PACRGL: variants seen among roughly 807,000 people sequenced by gnomAD.
PACRGL encodes the protein PACRG-like protein.
In PACRGL, 38 loss-of-function variants were observed where a neutral mutation model predicts 34.5. The ratio of observed to expected loss-of-function variants is 1.10; its 90% CI spans 0.85 to 1.44. The LOEUF (loss-of-function observed/expected upper bound fraction) is 1.44, where lower values mean the gene tolerates loss of function less well. Among genes scored for constraint, PACRGL ranks in the 40% most tolerant of loss-of-function variants. The pLI is 0.00. For missense variants in PACRGL, 305 were observed against 281.4 expected, an observed-to-expected ratio of 1.08 and a Z score of -0.60; for synonymous variants, 128 against 100.1, an observed-to-expected ratio of 1.28 and a Z score of -1.66.
rs1747713833 is a variant in PACRGL, at chr4:20,730,303, T to A, written c.*2962T>A. Reference sequence around the variant, plus strand: ...CATTCTATTCTATCCATTTTCCACATAGATGACTATGAAGGACCCATTTTA... The same window carrying A: ...CATTCTATTCTATCCATTTTCCACAAAGATGACTATGAAGGACCCATTTTA... On this transcript the variant is annotated 3_prime_UTR_variant, in exon 9 of 9. Coordinates refer to ENST00000503585, the MANE Select transcript of PACRGL (RefSeq NM_001258345.3). Among the ~76,000 whole-genome samples, 1 of 152,222 alleles carries A rather than the reference T, an allele frequency of 6.6e-6. No individual in the cohort carries two copies. Among genetic ancestry groups the A allele is most frequent in the African/African-American group, 2.4e-5 (1 of 41,460 alleles).
At chr4:20,756,650 C>T (rs1178680173), downstream of PACRGL, among the ~76,000 whole-genome samples, 1 of 151,886 alleles carries the variant, frequency 6.6e-6, no homozygotes, top group Non-Finnish European at 1.5e-5. Context: ...CTTGTGCGCT[C>T]CACTCCCTAG....
intron 8 of PACRGL, among the ~76,000 whole-genome samples, chr4:20,744,990 G>T (rs1752105180): frequency 6.6e-6 from 1 of 152,108 alleles, no homozygotes; most frequent in African/African-American, 2.4e-5. Flanking sequence ...ATTTGTGGTT[G>T]CCATTTGACT....
At chr4:20,763,589 T>C in the PACRGL span, among the ~76,000 whole-genome samples, 4 of 152,224 alleles carry the variant, frequency 2.6e-5, no homozygotes, top group Admixed American at 6.5e-5. Context: ...AAATAAGAAG[T>C]CTGGTATGGC....
downstream of PACRGL, chr4:20,732,915 G>A (rs887351604): frequency 1.7e-5 from 10 of 597,196 alleles, no homozygotes; most frequent in East Asian, 5.7e-5. Flanking sequence ...TTTGTTAGAC[G>A]ACTGTTGGTT....
chr4:20,708,965 TAAA>T (rs35039845), intron 4 of PACRGL, among the ~76,000 whole-genome samples: 1 of 140,742 alleles, frequency 7.1e-6, no homozygotes, highest in Non-Finnish European at 1.5e-5. Context: ...CATCTCTACT[TAAA>T]AAAAAAAAAA....
At chr4:20,724,712 C>A in intron 7 of PACRGL, 96 bp from the exon 8 acceptor site, 1 of 564,994 alleles carries the variant, frequency 1.8e-6, no homozygotes, top group Middle Eastern at 2.8e-4. Context: ...GCCTTGAAAT[C>A]TAAAACAAGG....
At chr4:20,734,674 G>A, downstream of PACRGL, 1 of 1,600,948 alleles carries the variant, frequency 6.2e-7, no homozygotes, top group Non-Finnish European at 8.5e-7. Context: ...CAGATTAAAT[G>A]CCCAATTGAG....
downstream of PACRGL, among the ~76,000 whole-genome samples, chr4:20,735,410 A>C (rs1183519304): frequency 6.6e-6 from 1 of 152,162 alleles, no homozygotes; most frequent in Non-Finnish European, 1.5e-5. Flanking sequence ...GTCCTTGGCA[A>C]TGACATTGGC....
downstream of PACRGL, chr4:20,734,523 A>G (rs1749115725): frequency 9.0e-6 from 5 of 557,344 alleles, no homozygotes; most frequent in Non-Finnish European, 1.5e-5. Context: ...AATATTTTGG[A>G]ATTTCCTCAA....
At chr4:20,712,118 T>G (rs1347450036) in intron 5 of PACRGL, among the ~76,000 whole-genome samples, 1 of 152,118 alleles carries the variant, frequency 6.6e-6, no homozygotes, top group East Asian at 1.9e-4. Flanking sequence ...CCCTTCTTTT[T>G]GTCTATAGTT....
Position 20,713,504 on chromosome 4 carries a change from T to G in PACRGL, c.574T>G (p.Ser192Ala). Reference protein sequence around the residue: ...LVQLSVVVGPSLNDHLKHLLT... With the variant: ...LVQLSVVVGPALNDHLKHLLT... Reference sequence around the variant, plus strand: ...TCAGCTAAGTGTCGTTGTTGGTCCTTCTCTAAACGACCATCTGAAGCATCT... The same window carrying G: ...TCAGCTAAGTGTCGTTGTTGGTCCTGCTCTAAACGACCATCTGAAGCATCT... Residue 192 changes from serine to alanine, a missense_variant, in exon 7 of 9, where the codon TCT becomes GCT. Physicochemically the swap from Ser to Ala is moderately conservative, Grantham distance 99. Transcript: ENST00000503585. 6.2e-7 allele frequency: 1 copy of G among 1,613,544 alleles called. No individual in the cohort carries two copies. Among genetic ancestry groups the G allele is most frequent in the Non-Finnish European group, 8.5e-7 (1 of 1,179,624 alleles).
intron 7 of PACRGL, among the ~76,000 whole-genome samples, chr4:20,722,366 A>C (rs907700583): frequency 2.0e-5 from 3 of 152,194 alleles, no homozygotes; most frequent in Non-Finnish European, 2.9e-5. Context: ...CAGTGAGATG[A>C]ACCCGGTACC....
At chr4:20,697,757 T>A (rs943468076), upstream of PACRGL, among the ~76,000 whole-genome samples, 17 of 152,322 alleles carry the variant, frequency 1.1e-4, no homozygotes, top group Admixed American at 6.5e-4. Context: ...CAGTGTCTGG[T>A]AAGGGACTAC....
intron 8 of PACRGL, among the ~76,000 whole-genome samples, 196 bp from the exon 9 acceptor site, chr4:20,727,089 A>G (rs1746024576): frequency 6.6e-6 from 1 of 152,208 alleles, no homozygotes; most frequent in African/African-American, 2.4e-5. Context: ...TTCTCTAGTT[A>G]GATACTTCAA....
intron 8 of PACRGL, among the ~76,000 whole-genome samples, chr4:20,747,910 A>T (rs1275773863): frequency 6.6e-6 from 1 of 152,178 alleles, no homozygotes; most frequent in Non-Finnish European, 1.5e-5. Context: ...GCCTACGCCC[A>T]TATGAACTTT....
chr4:20,733,519 C>G (rs1748858597), downstream of PACRGL, among the ~76,000 whole-genome samples: 2 of 151,898 alleles, frequency 1.3e-5, no homozygotes, highest in South Asian at 4.2e-4. Flanking sequence ...TAAGAGTATT[C>G]AATTATAAAT....
intron 7 of PACRGL, among the ~76,000 whole-genome samples, chr4:20,722,692 T>A (rs1166941909): frequency 1.3e-5 from 2 of 152,160 alleles, no homozygotes; most frequent in African/African-American, 4.8e-5. Context: ...TAAATCACAT[T>A]GTATAGACTA....
chr4:20,708,513 A>G lies in PACRGL; in HGVS notation c.275+643A>G, dbSNP rs1223648497. Among the ~76,000 whole-genome samples, 18 of 152,306 alleles carry G rather than the reference A, an allele frequency of 1.2e-4. No homozygotes were observed. In the East Asian group the frequency reaches 3.1e-3, roughly 26 times the overall value. ...AATGGTATTTTCGGATTTGGAGTGA[A>G]AAATAAGCTCAAGAAATACTCTTCA... is the stretch of plus-strand genomic sequence containing the variant. On this transcript the variant is annotated intron_variant, in intron 4 of 8. Coordinates refer to ENST00000503585, the MANE Select transcript of PACRGL (RefSeq NM_001258345.3).
Position 20,730,446 on chromosome 4 carries a change from G to T in PACRGL, c.*3105G>T, listed in dbSNP as rs1225380768. Among the ~76,000 whole-genome samples the T allele has an allele frequency of 3.3e-5, 5 of 151,918 alleles. No homozygotes were observed. In the East Asian group the frequency reaches 9.6e-4, roughly 29 times the overall value. On this transcript the variant is annotated 3_prime_UTR_variant, in exon 9 of 9. Transcript: ENST00000503585. ...AAATGGAAACTACAGAGGTGCAGAG[G>T]TGTGTCAAAGCAAATGAGAATTTTG...
Sources: allele counts gnomAD v4.1 joint callset (sites outside exome capture counted in the v4.1 genomes callset), GRCh38; gene constraint gnomAD v4.1.1; transcripts MANE v1.5; gene names NCBI Gene and HGNC (gene_info 2026-07-23, HGNC 2026-07-21).